The following SPA17 variants were observed in gnomAD, a reference collection of about 807,000 sequenced individuals.
The protein encoded by SPA17 is sperm surface protein Sp17.
Under a neutral mutation model 13.8 loss-of-function variants are expected in SPA17, and 7 were observed. The observed-to-expected ratio is 0.51, with a 90% CI of 0.29 to 0.95. The LOEUF is 0.95. Among genes scored for constraint, SPA17 ranks in the 40% least tolerant of loss-of-function variants. SPA17 has a pLI of 0.08. For missense variants in SPA17, 170 were observed against 179.3 expected (o/e 0.95, Z 0.30); for synonymous variants, 61 against 59.0 (o/e 1.03, Z -0.16).
Position 124,675,137 on chromosome 11 carries a change from G to A in SPA17, c.-27-101G>A, listed in dbSNP as rs1002228744. The A allele has an allele frequency of 1.9e-5, 23 of 1,211,722 alleles. 1 individual carries two copies. In the South Asian group the frequency reaches 2.5e-4, roughly 13 times the overall value. 75.1% of individuals were successfully genotyped at this position (1,211,722 alleles called of 1,614,324 possible). On this transcript the variant is annotated intron_variant, in intron 1 of 4. Coordinates refer to ENST00000227135, the MANE Select transcript of SPA17 (RefSeq NM_017425.4). ...TTGTGTTAGGGAAAAAAGAATTCAA[G>A]TCCAGATGTATGAGTCTCAGAAATA...
intron 2 of SPA17, among the ~76,000 whole-genome samples, chr11:124,677,034 T>G (rs753023355): frequency 6.6e-6 from 1 of 152,202 alleles, no homozygotes; most frequent in South Asian, 2.1e-4. Flanking sequence ...CTCAGAAATA[T>G]TCCATTATAA....
chr11:124,679,135 C>CAAAAAA (rs1239970697), intron 2 of SPA17, among the ~76,000 whole-genome samples: 2 of 66,802 alleles, frequency 3.0e-5, no homozygotes, highest in African/African-American at 1.2e-4. Context: ...GACTCTGTCT[C>CAAAAAA]AAAAAAAAAA....
chr11:124,687,160 A>G (rs751751894), intron 3 of SPA17, among the ~76,000 whole-genome samples: 7 of 152,214 alleles, frequency 4.6e-5, no homozygotes, highest in Non-Finnish European at 8.8e-5. Flanking sequence ...GAACAATTAT[A>G]CACTCACAAA....
At chr11:124,688,935 G>T (rs999860399) in intron 3 of SPA17, among the ~76,000 whole-genome samples, 2 of 152,112 alleles carry the variant, frequency 1.3e-5, no homozygotes, top group East Asian at 1.9e-4. Flanking sequence ...TACAGTAACC[G>T]AAACAGCATA....
rs1943529929 is a variant in SPA17, at chr11:124,681,462, A to G, written c.225+3A>G. ...TCTATAACAATCATGCATTCGAGGT[A>G]TGGTCCTTTGAAGCTGTTGGATTTG... On this transcript the variant is annotated splice_donor_region_variant and intron_variant, in intron 3 of 4. Coordinates refer to ENST00000227135, the MANE Select transcript of SPA17 (RefSeq NM_017425.4). The G allele has an allele frequency of 1.9e-6, 3 of 1,569,716 alleles. No homozygotes were observed. Among genetic ancestry groups the G allele is most frequent in the Admixed American group, 1.8e-5 (1 of 56,264 alleles).
In SPA17 at chr11:124,694,198, A is replaced by G. The variant is rs1591409143; in HGVS notation, c.313-105A>G. 3 of 1,394,750 alleles carry G rather than the reference A, an allele frequency of 2.2e-6. No individual in the cohort carries two copies. In the East Asian group the frequency reaches 7.0e-5, roughly 32 times the overall value. The allele number at this position is 1,394,750 out of a possible 1,614,324, so 86.4% of individuals were successfully genotyped here. On this transcript the variant is annotated intron_variant, in intron 4 of 4. Transcript: ENST00000227135. ...ATTCCCTCAGGAAGCAACAGCTCTC[A>G]GATAGTTGCATCCCTAAAATGATTA...
At chr11:124,685,591 C>T (rs1943570886) in intron 3 of SPA17, among the ~76,000 whole-genome samples, 1 of 152,158 alleles carries the variant, frequency 6.6e-6, no homozygotes, top group African/African-American at 2.4e-5. Flanking sequence ...GTGGTAGATC[C>T]ACCAACAGCT....
chr11:124,685,912 T>G (rs1448648199), intron 3 of SPA17, among the ~76,000 whole-genome samples: 1 of 152,158 alleles, frequency 6.6e-6, no homozygotes, highest in African/African-American at 2.4e-5. Flanking sequence ...CTAACTTGCT[T>G]TTGATTTTAC....
intron 4 of SPA17, 148 bp from the exon 5 acceptor site, chr11:124,694,155 A>G: frequency 1.0e-6 from 1 of 981,530 alleles, no homozygotes; most frequent in Non-Finnish European, 1.5e-6. Flanking sequence ...GTACATATAC[A>G]ATGTGACAAT....
At chr11:124,686,769 A>G (rs918972468) in intron 3 of SPA17, among the ~76,000 whole-genome samples, 1 of 152,244 alleles carries the variant, frequency 6.6e-6, no homozygotes, top group African/African-American at 2.4e-5. Flanking sequence ...GAAACACAAC[A>G]TAACAAAACC....
rs1943654752 is a variant in SPA17, at chr11:124,694,492, C to G, written c.*46C>G. 3 of 1,555,460 alleles carry G rather than the reference C, an allele frequency of 1.9e-6. No homozygotes were observed. The South Asian group carries it at 3.7e-5, about 19-fold the overall frequency. ...GGAAACATGAAAAATAATCCAAATC[C>G]ATCAACCTTCTTATTAATGTCATTT... On this transcript the variant is annotated 3_prime_UTR_variant, in exon 5 of 5. Coordinates refer to ENST00000227135, the MANE Select transcript of SPA17 (RefSeq NM_017425.4).
chr11:124,693,469 T>G (rs1238275426), intron 4 of SPA17, among the ~76,000 whole-genome samples: 1 of 150,514 alleles, frequency 6.6e-6, no homozygotes, highest in Non-Finnish European at 1.5e-5. Context: ...ATGATCTCAT[T>G]TTTAAAATAA....
At chr11:124,684,067 A>G (rs1943553777) in intron 3 of SPA17, among the ~76,000 whole-genome samples, 1 of 152,158 alleles carries the variant, frequency 6.6e-6, no homozygotes, top group African/African-American at 2.4e-5. Context: ...TGATGGTTTA[A>G]TAAGGGGCTT....
intron 3 of SPA17, among the ~76,000 whole-genome samples, chr11:124,684,914 T>C (rs1037508613): frequency 2.6e-5 from 4 of 152,122 alleles, no homozygotes; most frequent in Non-Finnish European, 5.9e-5. Context: ...CAGTATCTGG[T>C]GGAAGAAATT....
At chr11:124,677,218 C>G (rs142276826) in intron 2 of SPA17, among the ~76,000 whole-genome samples, 43 of 152,208 alleles carry the variant, frequency 2.8e-4, no homozygotes, top group Admixed American at 7.9e-4. Flanking sequence ...CTAGAAGATA[C>G]AAGTATCAGA....
At chr11:124,675,620 G>A in intron 2 of SPA17, 1 of 511,800 alleles carries the variant, frequency 2.0e-6, no homozygotes, top group East Asian at 3.6e-5. Context: ...AAGATTACCA[G>A]TTCATTATTC....
chr11:124,681,301 A>C, intron 2 of SPA17, 88 bp from the exon 3 acceptor site: 1 of 1,096,290 alleles, frequency 9.1e-7, no homozygotes, highest in East Asian at 2.9e-5. Context: ...CTGTAATTTG[A>C]AACAAGAAAC....
intron 3 of SPA17, among the ~76,000 whole-genome samples, chr11:124,684,619 A>G (rs529002444): frequency 6.6e-6 from 1 of 152,332 alleles, no homozygotes; most frequent in Non-Finnish European, 1.5e-5. Flanking sequence ...TGTGGAAGCA[A>G]CTTTGGAACT....
Position 124,690,434 on chromosome 11 carries a change from G to A in SPA17, c.226-1262G>A, listed in dbSNP as rs529994201. 7.2e-5 allele frequency among the ~76,000 whole-genome samples: 11 copies of A among 152,302 alleles called. 1 individual carries two copies. Among genetic ancestry groups the A allele is most frequent in the East Asian group, 3.9e-4 (2 of 5,176 alleles). Reference sequence around the variant, plus strand: ...AAAATGTGTTTAAATGGACATAGACGTGGAATGATAGATAATGGAGACTCA... The same window carrying A: ...AAAATGTGTTTAAATGGACATAGACATGGAATGATAGATAATGGAGACTCA... On this transcript the variant is annotated intron_variant, in intron 3 of 4. Transcript: ENST00000227135.
Sources: allele counts gnomAD v4.1 joint callset (sites outside exome capture counted in the v4.1 genomes callset), GRCh38; gene constraint gnomAD v4.1.1; transcripts MANE v1.5; gene names NCBI Gene and HGNC (gene_info 2026-07-23, HGNC 2026-07-21).